SMG6: variants seen among roughly 807,000 people sequenced by gnomAD.
The protein encoded by SMG6 is telomerase-binding protein EST1A.
Under a neutral mutation model 142.2 loss-of-function variants are expected in SMG6, and 66 were observed. The ratio of observed to expected loss-of-function variants is 0.46; its 90% confidence interval spans 0.38 to 0.57. The LOEUF (loss-of-function observed/expected upper bound fraction) is 0.57, where lower values mean the gene tolerates loss of function less well. Among genes scored for constraint, SMG6 ranks in the 20% least tolerant of loss-of-function variants. The pLI is 0.00. For missense variants in SMG6, 1,793 were observed against 1,832.0 expected (o/e 0.98, Z 0.39); for synonymous variants, 779 against 702.4 (o/e 1.11, Z -1.72).
chr17:2,184,027 C>T (rs1313105528), intron 12 of SMG6, among the ~76,000 whole-genome samples: 1 of 152,174 alleles, frequency 6.6e-6, no homozygotes, highest in Non-Finnish European at 1.5e-5. Context: ...GACCCAGACA[C>T]AGACACAGAC....
At chr17:2,187,731 C>T (rs1301928777) in intron 11 of SMG6, among the ~76,000 whole-genome samples, 3 of 151,746 alleles carry the variant, frequency 2.0e-5, no homozygotes, top group Admixed American at 6.6e-5. Flanking sequence ...TAAAAAGTTG[C>T]CCTTCTGTCC....
intron 8 of SMG6, among the ~76,000 whole-genome samples, chr17:2,273,091 A>G (rs922217032): frequency 6.6e-6 from 1 of 152,184 alleles, no homozygotes; most frequent in East Asian, 1.9e-4. Flanking sequence ...TGTGTTTTAC[A>G]GGGAAAATGT....
At chr17:2,267,511 T>G (rs1320484081) in intron 8 of SMG6, among the ~76,000 whole-genome samples, 1 of 151,844 alleles carries the variant, frequency 6.6e-6, no homozygotes, top group African/African-American at 2.4e-5. Context: ...AGATATGGAG[T>G]CTTTATATCC....
chr17:2,065,200 G>A (rs373876412), intron 17 of SMG6, 46 bp from the exon 18 acceptor site: 97 of 1,490,972 alleles, frequency 6.5e-5, no homozygotes, highest in South Asian at 1.0e-4. Flanking sequence ...AGAAGGGGGC[G>A]CCATGTGGAG....
At chr17:2,168,648 T>C (rs1014694250) in intron 13 of SMG6, among the ~76,000 whole-genome samples, 4 of 152,048 alleles carry the variant, frequency 2.6e-5, no homozygotes, top group Non-Finnish European at 5.9e-5. Context: ...CCCAGCACTT[T>C]AGGAGGCCGA....
rs535303125 is a variant in SMG6, at chr17:2,236,864, C to A, written c.2724-227G>T. 1.2e-5 allele frequency: 15 copies of A among 1,226,240 alleles called. No homozygotes were observed. In the East Asian group the frequency reaches 3.5e-4, roughly 28 times the overall value. The allele number at this position is 1,226,240 out of a possible 1,614,324, so 76.0% of individuals were successfully genotyped here. Reference sequence around the variant, plus strand: ...AGTTTTCAGGGTCCAGAGATGCAAACAACTCAAGTTTTGGATAAATCACTA... The same window carrying A: ...AGTTTTCAGGGTCCAGAGATGCAAAAAACTCAAGTTTTGGATAAATCACTA... On this transcript the variant is annotated intron_variant, in intron 9 of 18. Transcript: ENST00000263073.
At chr17:2,063,263 A>G (rs1385010871) in intron 18 of SMG6, 1 of 152,264 alleles carries the variant, frequency 6.6e-6, no homozygotes, top group African/African-American at 2.4e-5. Context: ...TCACTTTGTT[A>G]GAAACCAGAG....
chr17:2,172,429 T>C (rs1238767183), intron 13 of SMG6, among the ~76,000 whole-genome samples: 1 of 151,682 alleles, frequency 6.6e-6, no homozygotes, highest in Non-Finnish European at 1.5e-5. Flanking sequence ...AATGATCGTA[T>C]ATACAACATG....
At chr17:2,257,210 C>T (rs925265730) in intron 8 of SMG6, among the ~76,000 whole-genome samples, 5 of 151,888 alleles carry the variant, frequency 3.3e-5, no homozygotes, top group Admixed American at 2.6e-4. Context: ...CTCAGCCTCC[C>T]GAGTAGCTGG....
chr17:2,297,424 A>G, intron 3 of SMG6, 71 bp from the exon 4 acceptor site: 1 of 1,147,782 alleles, frequency 8.7e-7, no homozygotes, highest in South Asian at 1.4e-5. Flanking sequence ...AAACCGGGGC[A>G]GACAACCCTT....
rs569216612 is a variant in SMG6, at chr17:2,164,779, A to G, written c.3357+7879T>C. On this transcript the variant is annotated intron_variant, in intron 13 of 18. Coordinates refer to ENST00000263073, the MANE Select transcript of SMG6 (RefSeq NM_017575.5). The stretch of plus-strand genomic sequence containing the variant: ...TGGCAAAACCCCATCTCTACTAAAA[A>G]CACAAAAATTAGCCAGGCGTGGTGA... Among the ~76,000 whole-genome samples, 13 of 150,322 alleles carry G rather than the reference A, an allele frequency of 8.6e-5. No individual in the cohort carries two copies. In the South Asian group the frequency reaches 2.8e-3, roughly 32 times the overall value.
At chr17:2,205,355 G>T (rs2072647067) in intron 10 of SMG6, among the ~76,000 whole-genome samples, 1 of 152,094 alleles carries the variant, frequency 6.6e-6, no homozygotes, top group South Asian at 2.1e-4. Context: ...AAATTGCTGG[G>T]ATTACAGGCG....
chr17:2,130,214 T>C (rs1326280974), intron 13 of SMG6, among the ~76,000 whole-genome samples: 2 of 127,588 alleles, frequency 1.6e-5, no homozygotes, highest in Non-Finnish European at 3.1e-5. Flanking sequence ...GAGCCGAGAT[T>C]GCGCCACTGC....
intron 13 of SMG6, chr17:2,087,705 CTAGAAA>C: frequency 2.0e-6 from 2 of 987,176 alleles, no homozygotes; most frequent in Non-Finnish European, 2.4e-6. Context: ...ATGAGGAAGG[CTAGAAA>C]TACAGAAGCA....
chr17:2,165,151 T>C (rs2071297318), intron 13 of SMG6, among the ~76,000 whole-genome samples: 1 of 152,186 alleles, frequency 6.6e-6, no homozygotes, highest in Non-Finnish European at 1.5e-5. Context: ...TCGCAATGCT[T>C]CAGCAGTTCA....
chr17:2,134,419 CAAAAAAAAAAA>C (rs58429166), intron 13 of SMG6, among the ~76,000 whole-genome samples: 12 of 28,724 alleles, frequency 4.2e-4, no homozygotes, highest in East Asian at 2.5e-3. Context: ...GACTCCATCT[CAAAAAAAAAAA>C]AAAAAAAAAA....
rs1404463968 is a variant in SMG6, at chr17:2,085,768, C to A, written c.3491G>T (p.Gly1164Val). 1 of 1,614,058 alleles carries A rather than the reference C, an allele frequency of 6.2e-7. No homozygotes were observed. The highest frequency in any genetic ancestry group is 8.5e-7 in the Non-Finnish European group (1 of 1,180,032). ...VSVAPVPDTM[G>V]KEMGSQEGTR... ...TCCCTCTTGGCTTCCCATTTCCTTTCCCATGGTGTCTGGGACGGGTGCCAC... is the reference window on the plus strand; with the variant it reads ...TCCCTCTTGGCTTCCCATTTCCTTTACCATGGTGTCTGGGACGGGTGCCAC... Residue 1164 changes from glycine to valine, a missense_variant, in exon 14 of 19, where the codon GGA (glycine) becomes GTA (valine). By Grantham distance (109) the Gly-to-Val change is moderately radical. Around this residue, in one of 3 missense-constraint regions of SMG6, gnomAD observed 1,597 missense variants for 1,584.6 expected, o/e 1.01. Transcript: ENST00000263073. This position sits in a 1 kb window ranked among gnomAD's most constrained non-coding sequence, Gnocchi z 4.1.
chr17:2,094,249 ACTTT>A (rs746603827), intron 13 of SMG6, among the ~76,000 whole-genome samples: 20 of 152,132 alleles, frequency 1.3e-4, no homozygotes, highest in South Asian at 4.1e-4. Context: ...CTGCAACGTA[ACTTT>A]CTTTCTTTTT....
At chr17:2,181,725 G>C (rs1268914741) in intron 12 of SMG6, among the ~76,000 whole-genome samples, 1 of 152,244 alleles carries the variant, frequency 6.6e-6, no homozygotes, top group East Asian at 1.9e-4. Flanking sequence ...GATGGCTGTA[G>C]CTTGGACCAC....
Sources: gnomAD v4.1 joint callset for allele counts (sites outside exome capture counted in the v4.1 genomes callset) on GRCh38, gnomAD v4.1.1 for gene constraint, gnomAD v4.1.1 regional missense constraint, Gnocchi (gnomAD v3.1) non-coding constraint, MANE v1.5 for transcripts, NCBI Gene and HGNC (gene_info 2026-07-23, HGNC 2026-07-21) for gene names.